Variants in ZNF404 observed in about 807,000 individuals in gnomAD.
The protein encoded by ZNF404 is zinc finger protein 404.
ZNF404 carries 7 observed loss-of-function variants against 7.3 expected under a neutral mutation model. That is an observed-to-expected ratio of 0.95 (90% CI 0.54 to 1.79). The LOEUF is 1.79. Among genes scored for constraint, ZNF404 ranks in the 40% most tolerant of loss-of-function variants. The probability of loss-of-function intolerance (pLI) is 0.00; values close to 1 mark genes in which losing one functional copy is unlikely to be tolerated. For missense variants in ZNF404, 560 were observed against 661.5 expected, an observed-to-expected ratio of 0.85 and a Z score of 1.68; for synonymous variants, 191 against 209.9, an observed-to-expected ratio of 0.91 and a Z score of 0.78.
intron 1 of ZNF404, among the ~76,000 whole-genome samples, chr19:43,882,122 C>T (rs1473801074): frequency 6.6e-6 from 1 of 152,054 alleles, no homozygotes; most frequent in African/African-American, 2.4e-5. Context: ...TAACGTAATA[C>T]TACAATAATA....
intron 2 of ZNF404, among the ~76,000 whole-genome samples, chr19:43,878,680 G>C (rs1178522660): frequency 2.0e-5 from 3 of 152,160 alleles, no homozygotes; most frequent in Non-Finnish European, 4.4e-5. Context: ...GTAGTTAGGG[G>C]ATAGTTCCTG....
rs566976528 is a variant in ZNF404, at chr19:43,874,268, G to A, written c.137-191C>T. The stretch of plus-strand genomic sequence containing the variant: ...GCTCAGAAAATTATGAAAGTGCACA[G>A]GAGGATGTAAGATTTATGAGTAGGC... On this transcript the variant is annotated intron_variant, in intron 2 of 2. Transcript: ENST00000587539. Among the ~76,000 whole-genome samples, 166 of 152,202 alleles carry A rather than the reference G, an allele frequency of 1.1e-3. 1 individual carries two copies. The highest frequency in any genetic ancestry group is 3.6e-3 in the African/African-American group (151 of 41,558).
intron 2 of ZNF404, among the ~76,000 whole-genome samples, chr19:43,876,589 A>G (rs1971851406): frequency 6.6e-6 from 1 of 152,128 alleles, no homozygotes; most frequent in African/African-American, 2.4e-5. Context: ...GAAATGATGA[A>G]TCTTCCTGAA....
intron 2 of ZNF404, among the ~76,000 whole-genome samples, chr19:43,877,740 C>T (rs966786881): frequency 8.8e-6 from 1 of 114,074 alleles, no homozygotes; most frequent in Admixed American, 9.6e-5. Context: ...CCCCTCCCCC[C>T]ACCCCACAAC....
At position 43,873,720 on chromosome 19, in the gene ZNF404, C is replaced by G; in HGVS notation, c.494G>C (p.Gly165Ala). ...GVIPYECNEC[G>A]KAFVVFQHFI... ...ATGCTGGAAAACTACAAATGCTTTT[C>G]CACATTCATTACATTCATAGGGTAT... Residue 165 changes from glycine (G) to alanine (A), a missense_variant, in exon 3 of 3, where the codon GGA becomes GCA. Transcript: ENST00000587539. 6.2e-7 allele frequency: 1 copy of G among 1,611,126 alleles called. No individual in the cohort carries two copies. The highest frequency in any genetic ancestry group is 1.1e-5 in the South Asian group (1 of 91,054).
At chr19:43,877,717 A>G (rs990395927) in intron 2 of ZNF404, among the ~76,000 whole-genome samples, 12 of 129,756 alleles carry the variant, frequency 9.2e-5, no homozygotes, top group Admixed American at 1.5e-4. Flanking sequence ...ATATCTCCCA[A>G]TGCTATCCCT....
chr19:43,876,975 T>C (rs545946280), intron 2 of ZNF404, among the ~76,000 whole-genome samples: 2 of 152,216 alleles, frequency 1.3e-5, no homozygotes, highest in East Asian at 3.9e-4. Flanking sequence ...CTAAAACACA[T>C]GATGGCTAAA....
rs1256486994 is a variant in ZNF404 at position 43,872,691 on chromosome 19, T to C, written c.1523A>G (p.Asp508Gly). 1 of 1,613,434 alleles carries C rather than the reference T, an allele frequency of 6.2e-7. No homozygotes were observed. The change falls in exon 3 of 3, where the codon GAT (aspartate) becomes GGT (glycine). Residue 508 changes from aspartate (D) to glycine (G), a missense_variant. Coordinates refer to ENST00000587539, the MANE Select transcript of ZNF404 (RefSeq NM_001033719.3). This position sits in a 1 kb window ranked among gnomAD's most constrained non-coding sequence, Gnocchi z 4.4. Reference protein sequence around the residue: ...KECDKAFNRSDRLTQHETIHT... With the variant: ...KECDKAFNRSGRLTQHETIHT... ...AATTGTCTCATGTTGAGTAAGTCGA[T>C]CACTGCGATTAAAGGCCTTATCACA...
chr19:43,882,829 TGTGGC>T (rs1315044152), intron 1 of ZNF404, among the ~76,000 whole-genome samples: 8 of 150,212 alleles, frequency 5.3e-5, no homozygotes, highest in African/African-American at 2.0e-4. Flanking sequence ...GGCTGGGCAT[TGTGGC>T]TCATGACTGT....
Position 43,873,907 on chromosome 19 carries a change from T to G in ZNF404, c.307A>C (p.Lys103Gln), listed in dbSNP as rs769451635. Residue 103 changes from lysine to glutamine, a missense_variant, in exon 3 of 3, where the codon AAA becomes CAA. Coordinates refer to ENST00000587539, the MANE Select transcript of ZNF404 (RefSeq NM_001033719.3). ...TIEFGRQQRP[K>Q]VGCFSQMIFK... is the part of the protein sequence containing the mutation. ...ATCATTTGACTAAAACATCCCACTT[T>G]AGGTCTCTGTTGTCTCCCAAATTCA... The G allele has an allele frequency of 4.3e-6, 7 of 1,613,272 alleles. No individual in the cohort carries two copies. Among genetic ancestry groups the G allele is most frequent in the Non-Finnish European group, 4.2e-6 (5 of 1,179,518 alleles).
chr19:43,879,784 C>A (rs1363606392), intron 2 of ZNF404, among the ~76,000 whole-genome samples: 1 of 152,140 alleles, frequency 6.6e-6, no homozygotes, highest in Non-Finnish European at 1.5e-5. Context: ...TAGGACAGGG[C>A]AGAGGCAGGC....
At position 43,872,896 on chromosome 19, in the gene ZNF404, C is replaced by T. The variant is rs76550420; in HGVS notation, c.1318G>A (p.Glu440Lys). Residue 440 changes from glutamate to lysine, a missense_variant, in exon 3 of 3, where the codon GAA becomes AAA. Transcript: ENST00000587539. The surrounding 1 kb of genome is among the most constrained non-coding windows in gnomAD (Gnocchi z 4.4). ...QSIHAGEKPYECKECGKTFRL... is the reference protein window; with the variant it reads ...QSIHAGEKPYKCKECGKTFRL... ...AAGGTTTTTCCACATTCCTTACATT[C>T]ATAGGGTTTCTCCCCAGCATGAATT... 15,245 of 1,607,540 alleles carry T rather than the reference C, an allele frequency of 9.5e-3. 1,230 individuals are homozygous for T. The African/African-American group carries it at 0.18, about 18-fold the overall frequency.
chr19:43,875,303 T>C (rs868783690), intron 2 of ZNF404, among the ~76,000 whole-genome samples: 1 of 151,976 alleles, frequency 6.6e-6, no homozygotes, highest in Non-Finnish European at 1.5e-5. Context: ...ATTTTTTTTT[T>C]AAATCTACAA....
intron 1 of ZNF404, among the ~76,000 whole-genome samples, chr19:43,883,123 T>A (rs1256031811): frequency 1.3e-5 from 2 of 151,732 alleles, no homozygotes; most frequent in Non-Finnish European, 2.9e-5. Context: ...AAGAATCAAG[T>A]GACAAGCACC....
chr19:43,873,763 T>G lies in ZNF404; in HGVS notation c.451A>C (p.Arg151=), dbSNP rs745857451. 6.3e-7 allele frequency: 1 copy of G among 1,593,480 alleles called. No homozygotes were observed. The highest frequency in any genetic ancestry group is 8.5e-7 in the Non-Finnish European group (1 of 1,179,304). The stretch of plus-strand genomic sequence containing the variant: ...TAGGGTATCACACCAGTATGGTCTC[T>G]CAGATGTTCAGTAAGGTGCAAATAT... ...RKYLHLTEHL[R]DHTGVIPYEC... is the part of the protein sequence containing the mutation. Residue 151 remains arginine, a synonymous_variant, in exon 3 of 3, where the codon AGA becomes CGA. Transcript: ENST00000587539.
chr19:43,879,558 G>T (rs1358161487), intron 2 of ZNF404, among the ~76,000 whole-genome samples: 1 of 152,142 alleles, frequency 6.6e-6, no homozygotes, highest in Non-Finnish European at 1.5e-5. Context: ...CAGTAAAAAA[G>T]AGAATAATCT....
intron 2 of ZNF404, among the ~76,000 whole-genome samples, chr19:43,879,323 C>T (rs1343178622): frequency 6.6e-6 from 1 of 151,982 alleles, no homozygotes; most frequent in Non-Finnish European, 1.5e-5. Context: ...CATTCAAACT[C>T]CATCATATGA....
intron 2 of ZNF404, among the ~76,000 whole-genome samples, chr19:43,876,384 A>G (rs10414702): frequency 0.56 from 84,458 of 151,922 alleles, 24,030 homozygotes; most frequent in East Asian, 0.82. Context: ...TGCAGAAAAG[A>G]AAAATATAAT....
At chr19:43,878,389 A>C (rs1295533058) in intron 2 of ZNF404, among the ~76,000 whole-genome samples, 3 of 151,922 alleles carry the variant, frequency 2.0e-5, no homozygotes, top group Non-Finnish European at 4.4e-5. Flanking sequence ...TCTTTTGAGA[A>C]GTGTCTGTTC....
Sources: gnomAD v4.1 joint callset for allele counts (sites outside exome capture counted in the v4.1 genomes callset) on GRCh38, gnomAD v4.1.1 for gene constraint, Gnocchi (gnomAD v3.1) non-coding constraint, MANE v1.5 for transcripts, NCBI Gene and HGNC (gene_info 2026-07-23, HGNC 2026-07-21) for gene names.